The following USP30 variants were observed in gnomAD, a reference collection of about 807,000 sequenced individuals.
USP30 encodes the protein ubiquitin specific peptidase 30, also known as ubiquitin carboxyl-terminal hydrolase 30.
Under a neutral mutation model 68.2 loss-of-function variants are expected in USP30, and 41 were observed. The observed-to-expected ratio is 0.60, with a 90% CI of 0.47 to 0.78. The LOEUF (loss-of-function observed/expected upper bound fraction) is 0.78. Ranked by LOEUF, USP30 falls within the 30% of genes least tolerant of loss-of-function variation. The pLI is 0.00. For synonymous variants in USP30, 229 were observed against 253.7 expected, an observed-to-expected ratio of 0.90 and a Z score of 0.93; for missense variants, 522 against 649.4, an observed-to-expected ratio of 0.80 and a Z score of 2.13.
At chr12:109,074,094 T>C (rs1174180538) in intron 7 of USP30, among the ~76,000 whole-genome samples, 1 of 152,206 alleles carries the variant, frequency 6.6e-6, no homozygotes, top group Non-Finnish European at 1.5e-5. Flanking sequence ...GATTTGCATA[T>C]TCTGGATGCT....
chr12:109,072,940 T>C (rs569320875), intron 6 of USP30, among the ~76,000 whole-genome samples: 5 of 152,148 alleles, frequency 3.3e-5, no homozygotes, highest in South Asian at 2.1e-4. Flanking sequence ...CCAGGTCAGG[T>C]AGTGAATAAG....
upstream of USP30, among the ~76,000 whole-genome samples, chr12:109,051,000 G>A (rs912474775): frequency 2.0e-5 from 3 of 151,336 alleles, no homozygotes; most frequent in Non-Finnish European, 4.4e-5. Flanking sequence ...AAAAAAAAAA[G>A]AATGTAAATT....
At chr12:109,052,536 A>C (rs1001527856), upstream of USP30, 23 of 694,874 alleles carry the variant, frequency 3.3e-5, no homozygotes, top group Middle Eastern at 4.4e-4. Flanking sequence ...TCCCCCTGGG[A>C]GCTGTCCTGC....
intron 3 of USP30, among the ~76,000 whole-genome samples, chr12:109,044,023 G>T (rs934392753): frequency 1.3e-5 from 2 of 152,190 alleles, no homozygotes; most frequent in Non-Finnish European, 2.9e-5. Flanking sequence ...GAGGAATAGT[G>T]TTCAGCCTTA....
intron 1 of USP30, among the ~76,000 whole-genome samples, chr12:109,053,519 C>A (rs74870168): frequency 2.5e-3 from 377 of 152,176 alleles, no homozygotes; most frequent in African/African-American, 8.7e-3. Flanking sequence ...CTGAGTACCC[C>A]CTCCCCCACT....
At chr12:109,052,509 G>A (rs150679747), upstream of USP30, 775 of 503,052 alleles carry the variant, frequency 1.5e-3, 5 homozygotes, top group African/African-American at 0.014. Context: ...TTGCTCTCCG[G>A]GGGCAGCTAC....
intron 2 of USP30, among the ~76,000 whole-genome samples, chr12:109,057,241 A>T (rs2040905887): frequency 6.6e-6 from 1 of 152,000 alleles, no homozygotes; most frequent in Non-Finnish European, 1.5e-5. Context: ...GGCTCTATGT[A>T]ACATTGATTA....
intron 3 of USP30, among the ~76,000 whole-genome samples, chr12:109,045,415 CAA>C (rs2040596014): frequency 6.6e-6 from 1 of 152,018 alleles, no homozygotes; most frequent in South Asian, 2.1e-4. Flanking sequence ...GTCTTGAAAC[CAA>C]CAGAAATGTG....
intron 3 of USP30, among the ~76,000 whole-genome samples, chr12:109,030,132 A>G (rs1304368717): frequency 6.6e-6 from 1 of 152,194 alleles, no homozygotes; most frequent in Non-Finnish European, 1.5e-5. Flanking sequence ...CCACACCTAC[A>G]AAAATCCTGT....
intron 3 of USP30, among the ~76,000 whole-genome samples, chr12:109,043,239 C>A (rs2040576833): frequency 6.6e-6 from 1 of 152,112 alleles, no homozygotes; most frequent in Non-Finnish European, 1.5e-5. Flanking sequence ...ACTAGAAAAA[C>A]CCATTCTAAA....
At chr12:109,069,500 C>T (rs985839611) in intron 4 of USP30, among the ~76,000 whole-genome samples, 1 of 152,246 alleles carries the variant, frequency 6.6e-6, no homozygotes, top group Non-Finnish European at 1.5e-5. Flanking sequence ...TTCCACTCTA[C>T]AGCTGCAGTT....
upstream of USP30, among the ~76,000 whole-genome samples, chr12:109,050,850 C>T (rs1013129222): frequency 6.6e-6 from 1 of 151,666 alleles, no homozygotes; most frequent in Non-Finnish European, 1.5e-5. Context: ...ACTAAAAATA[C>T]AAAAAAATTA....
chr12:109,033,289 G>A (rs1262925649), intron 3 of USP30, among the ~76,000 whole-genome samples: 1 of 152,198 alleles, frequency 6.6e-6, no homozygotes, highest in South Asian at 2.1e-4. Flanking sequence ...AAGAACAAGC[G>A]AAGTTTGGAG....
Position 109,082,874 on chromosome 12 carries a change from G to A in USP30, c.980G>A (p.Arg327Gln), listed in dbSNP as rs753589445. 4.0e-5 allele frequency: 64 copies of A among 1,614,062 alleles called. No homozygotes were observed. Among genetic ancestry groups the A allele is most frequent in the Non-Finnish European group, 5.3e-5 (63 of 1,180,030 alleles). ...LPQCLCIHLQRLSWSSHGTPL... is the reference protein window; with the variant it reads ...LPQCLCIHLQQLSWSSHGTPL... The stretch of plus-strand genomic sequence containing the variant: ...CAGTGTCTCTGCATCCACCTACAGC[G>A]GCTGAGCTGGTCCAGCCACGGCACG... The change falls in exon 11 of 13, where the codon CGG (arginine) becomes CAG (glutamine). Residue 327 changes from arginine to glutamine, a missense_variant. Arg to Gln is a conservative substitution (Grantham distance 43, BLOSUM62 1). Transcript: ENST00000257548.
intron 4 of USP30, 31 bp downstream of exon 4, chr12:109,067,658 G>A (rs1377453922): frequency 6.3e-7 from 1 of 1,594,544 alleles, no homozygotes; most frequent in Non-Finnish European, 8.6e-7. Context: ...GGTTTAGCTT[G>A]GAGAATCCTT....
At chr12:109,073,370 G>A in intron 6 of USP30, 68 bp from the exon 7 acceptor site, 1 of 1,087,504 alleles carries the variant, frequency 9.2e-7, no homozygotes, top group Middle Eastern at 2.1e-4. Context: ...TGCTAGAAAG[G>A]AAGATGAATG....
chr12:109,060,247 G>A (rs1446691474), intron 3 of USP30: 1 of 152,170 alleles, frequency 6.6e-6, no homozygotes, highest in Admixed American at 6.5e-5. Context: ...GAAAAATGCT[G>A]AAATGTTAGC....
chr12:109,082,596 G>A, intron 9 of USP30, 67 bp from the exon 10 acceptor site: 2 of 1,496,546 alleles, frequency 1.3e-6, no homozygotes, highest in Non-Finnish European at 1.8e-6. Context: ...ACACCACTGT[G>A]GTCTGCAGCA....
intron 3 of USP30, among the ~76,000 whole-genome samples, chr12:109,067,205 C>G (rs895215519): frequency 6.6e-5 from 10 of 150,856 alleles, no homozygotes; most frequent in Non-Finnish European, 1.3e-4. Flanking sequence ...GCTCCGCCTC[C>G]CGGGTTCATG....
Sources: allele counts gnomAD v4.1 joint callset (sites outside exome capture counted in the v4.1 genomes callset), GRCh38; gene constraint gnomAD v4.1.1; transcripts MANE v1.5; gene names NCBI Gene and HGNC (gene_info 2026-07-23, HGNC 2026-07-21).